The following TMEM170A variants were observed in gnomAD, a reference collection of about 807,000 sequenced individuals.
The protein encoded by TMEM170A is transmembrane protein 170.
Under a neutral mutation model 12.8 loss-of-function variants are expected in TMEM170A, and 18 were observed. The observed-to-expected ratio is 1.41, with a 90% CI of 0.97 to 2.09. The LOEUF (loss-of-function observed/expected upper bound fraction) is 2.09, where lower values mean the gene tolerates loss of function less well. TMEM170A is among the 30% of genes most tolerant of loss of function. The pLI, the probability that TMEM170A is intolerant of heterozygous loss-of-function variation, is 0.00. For synonymous variants in TMEM170A, 107 were observed against 76.2 expected (o/e 1.40, Z -2.11); for missense variants, 220 against 179.9 (o/e 1.22, Z -1.28).
Position 75,444,889 on chromosome 16 carries a change from G to C in TMEM170A, c.*2669C>G, listed in dbSNP as rs1006545395. Reference sequence around the variant, plus strand: ...CAAAATGCCCTAATTTTAAGTCTTAGCTCCAGTGAAAAATATCTAACATTT... The same window carrying C: ...CAAAATGCCCTAATTTTAAGTCTTACCTCCAGTGAAAAATATCTAACATTT... On this transcript the variant is annotated 3_prime_UTR_variant, in exon 3 of 3. Transcript: ENST00000561878. 6.6e-6 allele frequency: 1 copy of C among 152,088 alleles called. No individual in the cohort carries two copies. The highest frequency in any genetic ancestry group is 2.4e-5 in the African/African-American group (1 of 41,410). The allele number at this position is 152,088 out of a possible 1,614,324, so 9.4% of individuals were successfully genotyped here. A position where few individuals can be genotyped will look rare whatever the true frequency, so the allele number is the denominator to read the frequency against.
intron 1 of TMEM170A, among the ~76,000 whole-genome samples, chr16:75,454,845 A>C (rs1476272482): frequency 6.6e-6 from 1 of 152,182 alleles, no homozygotes; most frequent in East Asian, 1.9e-4. Flanking sequence ...TTGCAGGGTA[A>C]TTTGGAAGTC....
At chr16:75,455,058 T>C (rs2079764388) in intron 1 of TMEM170A, among the ~76,000 whole-genome samples, 1 of 152,108 alleles carries the variant, frequency 6.6e-6, no homozygotes, top group African/African-American at 2.4e-5. Context: ...AAAGTCCCAT[T>C]AAAATATGCA....
At position 75,447,212 on chromosome 16, in the gene TMEM170A, T is replaced by C. The variant is rs188990773; in HGVS notation, c.*346A>G. 2 of 165,740 alleles carry C rather than the reference T, an allele frequency of 1.2e-5. No homozygotes were observed. Among genetic ancestry groups the C allele is most frequent in the East Asian group, 1.7e-4 (1 of 5,894 alleles). 10.3% of individuals were successfully genotyped at this position (165,740 alleles called of 1,614,324 possible). A position where few individuals can be genotyped will look rare whatever the true frequency, so the allele number is the denominator to read the frequency against. On this transcript the variant is annotated 3_prime_UTR_variant, in exon 3 of 3. Transcript: ENST00000561878. ...AGTATCTTCCACGGTTTCTTCAAAA[T>C]ATGCGACATCTCACAGAATACTGTA... is the stretch of plus-strand genomic sequence containing the variant.
At chr16:75,455,854 A>G (rs2079782912) in intron 1 of TMEM170A, among the ~76,000 whole-genome samples, 1 of 152,204 alleles carries the variant, frequency 6.6e-6, no homozygotes, top group African/African-American at 2.4e-5. Flanking sequence ...TTATTGGGAT[A>G]AACAATTTAA....
intron 1 of TMEM170A, among the ~76,000 whole-genome samples, chr16:75,453,729 A>G (rs1019381609): frequency 1.3e-5 from 2 of 152,254 alleles, no homozygotes; most frequent in African/African-American, 4.8e-5. Context: ...AATGGCAGGT[A>G]AACAACAGTG....
At chr16:75,454,757 A>G (rs967053600) in intron 1 of TMEM170A, among the ~76,000 whole-genome samples, 1 of 152,258 alleles carries the variant, frequency 6.6e-6, no homozygotes, top group Non-Finnish European at 1.5e-5. Context: ...GGTTTTGAGC[A>G]GTAACGGTTG....
At chr16:75,449,063 A>G (rs2079634692) in intron 2 of TMEM170A, among the ~76,000 whole-genome samples, 1 of 152,024 alleles carries the variant, frequency 6.6e-6, no homozygotes, top group African/African-American at 2.4e-5. Flanking sequence ...CCTGTTCTCA[A>G]ATAAAAATAA....
At chr16:75,460,027 C>T (rs1281586954) in intron 1 of TMEM170A, 1 of 152,670 alleles carries the variant, frequency 6.6e-6, no homozygotes, top group African/African-American at 2.4e-5. Flanking sequence ...GATGTGCCCA[C>T]TGAACTACCA....
chr16:75,453,352 T>G (rs2079723196), intron 1 of TMEM170A, among the ~76,000 whole-genome samples: 1 of 152,206 alleles, frequency 6.6e-6, no homozygotes, highest in Non-Finnish European at 1.5e-5. Flanking sequence ...GAGGATTGCT[T>G]GAGCCTGGGA....
chr16:75,454,728 G>T (rs1347459434), intron 1 of TMEM170A, among the ~76,000 whole-genome samples: 1 of 152,194 alleles, frequency 6.6e-6, no homozygotes, highest in Non-Finnish European at 1.5e-5. Flanking sequence ...CTTCACAAAA[G>T]ATCTAAAGTG....
At chr16:75,460,895 C>G (rs1273032761) in intron 1 of TMEM170A, among the ~76,000 whole-genome samples, 1 of 152,086 alleles carries the variant, frequency 6.6e-6, no homozygotes, top group Non-Finnish European at 1.5e-5. Context: ...ATCACTAGAT[C>G]TAATTTGACA....
chr16:75,451,418 A>C, intron 2 of TMEM170A: 1 of 568,648 alleles, frequency 1.8e-6, no homozygotes, highest in Admixed American at 3.2e-5. Flanking sequence ...GCATGGTGGC[A>C]CACCCCTGTA....
At position 75,464,481 on chromosome 16, in the gene TMEM170A, G is replaced by T; in HGVS notation, c.120C>A (p.Leu40=). The T allele has an allele frequency of 6.4e-7, 1 of 1,553,946 alleles. No homozygotes were observed. The highest frequency in any genetic ancestry group is 2.6e-5 in the East Asian group (1 of 37,974). ...NGTLCPNSTS[L]CSFPEMWYGV... ...GGCGGGCCGTACCTGGGAAGGAGCA[G>T]AGGGAAGTAGAGTTGGGGCACAGGG... Residue 40 remains leucine (L), a synonymous_variant, in exon 1 of 3, where the codon CTC becomes CTA. Coordinates refer to ENST00000561878, the MANE Select transcript of TMEM170A (RefSeq NM_145254.3).
intron 1 of TMEM170A, 47 bp downstream of exon 1, chr16:75,464,415 ACGGCAG>A (rs2079961538): frequency 7.2e-7 from 1 of 1,395,186 alleles, no homozygotes; most frequent in African/African-American, 1.5e-5. Flanking sequence ...CGCCCACAGC[ACGGCAG>A]CGGCGACGGC....
intron 2 of TMEM170A, among the ~76,000 whole-genome samples, chr16:75,449,780 T>C (rs1416569221): frequency 1.3e-5 from 2 of 152,332 alleles, no homozygotes; most frequent in African/African-American, 4.8e-5. Context: ...ACATGTTTCA[T>C]TGGGCCCCTC....
At chr16:75,452,799 T>A (rs1330285346) in intron 1 of TMEM170A, 1 of 152,176 alleles carries the variant, frequency 6.6e-6, no homozygotes, top group African/African-American at 2.4e-5. Flanking sequence ...ATATTGACGG[T>A]TTTAGTGTGT....
At chr16:75,452,896 A>C (rs973899865) in intron 1 of TMEM170A, among the ~76,000 whole-genome samples, 2 of 152,154 alleles carry the variant, frequency 1.3e-5, no homozygotes, top group African/African-American at 4.8e-5. Flanking sequence ...ATACACACTT[A>C]TCTGAAACCA....
At chr16:75,462,972 T>C (rs1213080286) in intron 1 of TMEM170A, among the ~76,000 whole-genome samples, 1 of 152,158 alleles carries the variant, frequency 6.6e-6, no homozygotes, top group African/African-American at 2.4e-5. Context: ...AACTTCCTAT[T>C]GAATGACTCG....
At chr16:75,464,111 G>A in intron 1 of TMEM170A, 1 of 1,134,242 alleles carries the variant, frequency 8.8e-7, no homozygotes, top group Non-Finnish European at 1.2e-6. Flanking sequence ...GGCAACCCAG[G>A]CAGGGCGGGG....
Sources: allele counts gnomAD v4.1 joint callset (sites outside exome capture counted in the v4.1 genomes callset), GRCh38; gene constraint gnomAD v4.1.1; transcripts MANE v1.5; gene names NCBI Gene and HGNC (gene_info 2026-07-23, HGNC 2026-07-21).